The following SLAMF1 variants were observed in gnomAD, a reference collection of about 807,000 sequenced individuals.
The protein encoded by SLAMF1 is signaling lymphocytic activation molecule family member 1, also known as signaling lymphocytic activation molecule.
A neutral mutation model predicts 35.1 loss-of-function variants in SLAMF1; 18 were observed. That is an observed-to-expected ratio of 0.51 (90% CI 0.35 to 0.76). The LOEUF (loss-of-function observed/expected upper bound fraction) is 0.76. Ranked by LOEUF, SLAMF1 falls within the 30% of genes least tolerant of loss-of-function variation. The pLI is 0.01. For missense variants in SLAMF1, 392 were observed against 413.0 expected (o/e 0.95, Z 0.44); for synonymous variants, 168 against 157.2 (o/e 1.07, Z -0.51).
At chr1:160,631,406 G>A (rs1296196335) in intron 3 of SLAMF1, among the ~76,000 whole-genome samples, 1 of 152,106 alleles carries the variant, frequency 6.6e-6, no homozygotes, top group Non-Finnish European at 1.5e-5. Flanking sequence ...TCCTTATTTG[G>A]ACATAGCGTC....
At chr1:160,645,938 C>T (rs912032182) in intron 1 of SLAMF1, among the ~76,000 whole-genome samples, 1 of 152,110 alleles carries the variant, frequency 6.6e-6, no homozygotes, top group Non-Finnish European at 1.5e-5. Flanking sequence ...GATTTCCCCC[C>T]GTGTCCGTAA....
At chr1:160,632,730 C>A (rs4656921) in intron 3 of SLAMF1, among the ~76,000 whole-genome samples, 70,378 of 151,906 alleles carry the variant, frequency 0.46, 17,063 homozygotes, top group South Asian at 0.64. Context: ...GAGGTAAGGG[C>A]TACTGCTTCC....
chr1:160,612,457 T>C lies in SLAMF1; in HGVS notation c.957+31A>G, dbSNP rs764541949. On this transcript the variant is annotated intron_variant, in intron 6 of 6. Coordinates refer to ENST00000302035, the MANE Select transcript of SLAMF1 (RefSeq NM_003037.5). Reference sequence around the variant, plus strand: ...TTTCCCCTCCTTCATGTATTCCCTCTCTACGGAGAGTAGGCAGAGAGATGC... The same window carrying C: ...TTTCCCCTCCTTCATGTATTCCCTCCCTACGGAGAGTAGGCAGAGAGATGC... 20 of 1,435,478 alleles carry C rather than the reference T, an allele frequency of 1.4e-5. No homozygotes were observed. The Admixed American group carries it at 3.2e-4, about 23-fold the overall frequency. 88.9% of individuals were successfully genotyped at this position (1,435,478 alleles called of 1,614,324 possible).
chr1:160,625,743 A>G (rs1172736890), intron 3 of SLAMF1, among the ~76,000 whole-genome samples: 1 of 152,082 alleles, frequency 6.6e-6, no homozygotes, highest in Non-Finnish European at 1.5e-5. Flanking sequence ...AAAGCATGAC[A>G]TTTTGAATCA....
chr1:160,641,409 G>C (rs1047389539), intron 1 of SLAMF1, among the ~76,000 whole-genome samples: 2 of 151,930 alleles, frequency 1.3e-5, no homozygotes, highest in Non-Finnish European at 2.9e-5. Context: ...TTCAGAACTT[G>C]GAGTTGATTG....
intron 3 of SLAMF1, among the ~76,000 whole-genome samples, chr1:160,628,251 A>G (rs1659986546): frequency 6.6e-6 from 1 of 152,216 alleles, no homozygotes; most frequent in Non-Finnish European, 1.5e-5. Context: ...TCTCTGCTGA[A>G]GATTGAAGGG....
chr1:160,627,432 AC>A (rs1659939743), intron 3 of SLAMF1, among the ~76,000 whole-genome samples: 1 of 152,196 alleles, frequency 6.6e-6, no homozygotes, highest in South Asian at 2.1e-4. Flanking sequence ...GATTGGAAAG[AC>A]AAGAAAATGA....
chr1:160,615,166 A>G (rs1472488270), intron 5 of SLAMF1, among the ~76,000 whole-genome samples: 1 of 151,942 alleles, frequency 6.6e-6, no homozygotes, highest in Non-Finnish European at 1.5e-5. Context: ...GATATAATAA[A>G]GACATCGCAA....
At position 160,610,714 on chromosome 1, in the gene SLAMF1, T is replaced by C. The variant is rs202242274; in HGVS notation, c.*34A>G. 6.0e-5 allele frequency: 94 copies of C among 1,577,522 alleles called. No homozygotes were observed. The highest frequency in any genetic ancestry group is 7.6e-5 in the Non-Finnish European group (87 of 1,147,384). ...CAGTGTTCATTTTGGTTTTTCCATT[T>C]TCCTTCAGAAAGTCCCTTTGTTGGT... On this transcript the variant is annotated 3_prime_UTR_variant, in exon 7 of 7. Coordinates refer to ENST00000302035, the MANE Select transcript of SLAMF1 (RefSeq NM_003037.5).
At chr1:160,638,472 G>T (rs553443700) in intron 1 of SLAMF1, among the ~76,000 whole-genome samples, 3 of 151,390 alleles carry the variant, frequency 2.0e-5, no homozygotes, top group South Asian at 4.2e-4. Flanking sequence ...ACATTATCAG[G>T]TTTTTTTTTA....
intron 6 of SLAMF1, among the ~76,000 whole-genome samples, chr1:160,612,257 T>TTA (rs549643808): frequency 1.2e-3 from 176 of 151,966 alleles, no homozygotes; most frequent in African/African-American, 4.1e-3. Context: ...TTTTTTTTTT[T>TTA]TACTTTTATT....
At chr1:160,639,466 A>T (rs1164684886) in intron 1 of SLAMF1, among the ~76,000 whole-genome samples, 2 of 152,076 alleles carry the variant, frequency 1.3e-5, no homozygotes, top group Non-Finnish European at 2.9e-5. Context: ...ACCTCAAGTG[A>T]TCTGCCCGCC....
intron 1 of SLAMF1, among the ~76,000 whole-genome samples, chr1:160,645,620 C>T (rs1394498047): frequency 6.6e-6 from 1 of 152,234 alleles, no homozygotes; most frequent in Non-Finnish European, 1.5e-5. Flanking sequence ...AGAAATGGTG[C>T]AGTCACAAAT....
chr1:160,635,691 C>G (rs564295334), intron 2 of SLAMF1, among the ~76,000 whole-genome samples: 1 of 151,760 alleles, frequency 6.6e-6, no homozygotes, highest in South Asian at 2.1e-4. Flanking sequence ...CCTGCCTCAG[C>G]CTCCCGAGTA....
intron 1 of SLAMF1, among the ~76,000 whole-genome samples, chr1:160,638,848 G>T (rs141084058): frequency 6.6e-6 from 1 of 152,124 alleles, no homozygotes; most frequent in African/African-American, 2.4e-5. Context: ...TACTCTCCCG[G>T]TTTTTCTCCT....
intron 3 of SLAMF1, among the ~76,000 whole-genome samples, chr1:160,631,197 A>G (rs1163868761): frequency 6.6e-6 from 1 of 152,230 alleles, no homozygotes; most frequent in Non-Finnish European, 1.5e-5. Context: ...AACACAAATC[A>G]AGGTACTGAT....
intron 3 of SLAMF1, among the ~76,000 whole-genome samples, chr1:160,626,497 T>C (rs565801695): frequency 2.0e-5 from 3 of 152,336 alleles, no homozygotes; most frequent in East Asian, 1.9e-4. Flanking sequence ...TAAACTCTAA[T>C]TTTTTTCCTC....
At position 160,610,224 on chromosome 1, in the gene SLAMF1, C is replaced by T. The variant is rs957888084; in HGVS notation, c.*524G>A. 2.2e-5 allele frequency: 10 copies of T among 448,714 alleles called. No homozygotes were observed. In the East Asian group the frequency reaches 4.9e-4, roughly 22 times the overall value. 27.8% of individuals were successfully genotyped at this position (448,714 alleles called of 1,614,324 possible). ...TATGTATAATAAGAAATTCACCCTT[C>T]AGCCTCTATTCACTCTTTATCCTGA... is the stretch of plus-strand genomic sequence containing the variant. On this transcript the variant is annotated 3_prime_UTR_variant, in exon 7 of 7. Transcript: ENST00000302035.
rs1268641792 is a variant in SLAMF1, at chr1:160,608,231, C to T, written c.*2517G>A. The T allele has an allele frequency of 1.3e-5, 2 of 152,332 alleles. No individual in the cohort carries two copies. Among genetic ancestry groups the T allele is most frequent in the East Asian group, 1.9e-4 (1 of 5,180 alleles). The allele number at this position is 152,332 out of a possible 1,614,324, so 9.4% of individuals were successfully genotyped here. ...CCACCCGCTGTAACAATCACATCCC[C>T]GCTGTGTGAATGGAGGAAGCGTCCT... On this transcript the variant is annotated 3_prime_UTR_variant, in exon 7 of 7. Coordinates refer to ENST00000302035, the MANE Select transcript of SLAMF1 (RefSeq NM_003037.5).
Sources: gnomAD v4.1 joint callset for allele counts (sites outside exome capture counted in the v4.1 genomes callset) on GRCh38, gnomAD v4.1.1 for gene constraint, MANE v1.5 for transcripts, NCBI Gene and HGNC (gene_info 2026-07-23, HGNC 2026-07-21) for gene names.